The following CD38 variants were observed in gnomAD, a reference collection of about 807,000 sequenced individuals.
CD38 encodes the protein ADP-ribosyl cyclase/cyclic ADP-ribose hydrolase 1.
A neutral mutation model predicts 36.3 loss-of-function variants in CD38; 31 were observed. That is an observed-to-expected ratio of 0.85 (90% confidence interval 0.64 to 1.15). CD38 has a LOEUF of 1.15. CD38 is among the 50% of genes most tolerant of loss of function. The pLI is 0.00. For synonymous variants in CD38, 131 were observed against 135.2 expected (o/e 0.97, Z 0.22); for missense variants, 380 against 371.9 (o/e 1.02, Z -0.18).
At chr4:15,819,457 C>A (rs781531145) in intron 2 of CD38, among the ~76,000 whole-genome samples, 17 of 151,702 alleles carry the variant, frequency 1.1e-4, no homozygotes, top group Non-Finnish European at 2.5e-4. Context: ...ATTCACTGAG[C>A]TGAAGGAGTA....
intron 1 of CD38, among the ~76,000 whole-genome samples, chr4:15,815,941 G>A (rs951588757): frequency 5.3e-5 from 8 of 152,038 alleles, no homozygotes; most frequent in African/African-American, 1.4e-4. Flanking sequence ...ATGTTCCATC[G>A]ATACCTAGTT....
At chr4:15,828,438 T>C (rs768630666) in intron 3 of CD38, among the ~76,000 whole-genome samples, 8 of 152,216 alleles carry the variant, frequency 5.3e-5, no homozygotes, top group Non-Finnish European at 7.3e-5. Context: ...TTAAAAACCC[T>C]TTCTAACTGA....
At chr4:15,803,090 A>C (rs1723264222) in intron 1 of CD38, among the ~76,000 whole-genome samples, 1 of 152,214 alleles carries the variant, frequency 6.6e-6, no homozygotes, top group Admixed American at 6.5e-5. Flanking sequence ...CTGGATATTC[A>C]TATGCAGAAG....
chr4:15,837,760 A>C (rs77186437), intron 4 of CD38, among the ~76,000 whole-genome samples: 54 of 152,274 alleles, frequency 3.5e-4, no homozygotes, highest in African/African-American at 1.2e-3. Context: ...ACAGTGCATG[A>C]CACTGAGAAA....
intron 7 of CD38, among the ~76,000 whole-genome samples, chr4:15,841,115 A>G (rs1205963534): frequency 6.6e-6 from 1 of 152,220 alleles, no homozygotes; most frequent in Non-Finnish European, 1.5e-5. Flanking sequence ...ACAGATAGAT[A>G]TATATTTTTT....
At chr4:15,835,633 C>A (rs1724054036) in intron 4 of CD38, among the ~76,000 whole-genome samples, 1 of 151,886 alleles carries the variant, frequency 6.6e-6, no homozygotes, top group South Asian at 2.1e-4. Flanking sequence ...CAGCCTTGGC[C>A]TCCCAAGGTG....
chr4:15,785,945 T>C (rs1037382562), intron 1 of CD38, among the ~76,000 whole-genome samples: 2 of 152,066 alleles, frequency 1.3e-5, no homozygotes, highest in African/African-American at 4.8e-5. Context: ...GCTTCAGGAG[T>C]GAAGCTGCAG....
At chr4:15,819,483 C>T (rs1287646640) in intron 2 of CD38, among the ~76,000 whole-genome samples, 2 of 151,728 alleles carry the variant, frequency 1.3e-5, no homozygotes, top group African/African-American at 4.8e-5. Context: ...TAACCCACTG[C>T]AAAGAAGCTA....
chr4:15,833,679 C>T (rs983907009), intron 3 of CD38, among the ~76,000 whole-genome samples: 3 of 152,132 alleles, frequency 2.0e-5, no homozygotes, highest in African/African-American at 7.2e-5. Context: ...GGCAGATATC[C>T]TTGGGAGAAG....
intron 1 of CD38, among the ~76,000 whole-genome samples, chr4:15,789,775 T>C (rs921700362): frequency 5.1e-4 from 77 of 151,590 alleles, no homozygotes; most frequent in African/African-American, 1.8e-3. Flanking sequence ...GCTAGCATGC[T>C]CACCCTCCTC....
chr4:15,824,362 T>C (rs1166616742), intron 2 of CD38, among the ~76,000 whole-genome samples: 1 of 151,956 alleles, frequency 6.6e-6, no homozygotes, highest in Non-Finnish European at 1.5e-5. Flanking sequence ...TAAAACAGAA[T>C]ATAATTCTGA....
intron 1 of CD38, among the ~76,000 whole-genome samples, chr4:15,784,078 T>C (rs193294758): frequency 6.4e-4 from 98 of 152,268 alleles, no homozygotes; most frequent in Non-Finnish European, 1.3e-4. Flanking sequence ...CACCATGTGA[T>C]CTGTAATGAA....
At chr4:15,822,347 A>G (rs1442940286) in intron 2 of CD38, among the ~76,000 whole-genome samples, 4 of 152,206 alleles carry the variant, frequency 2.6e-5, no homozygotes, top group Non-Finnish European at 5.9e-5. Flanking sequence ...GACCGGGACA[A>G]TCAGGCAAGA....
At chr4:15,806,757 C>T (rs1723350609) in intron 1 of CD38, among the ~76,000 whole-genome samples, 1 of 152,116 alleles carries the variant, frequency 6.6e-6, no homozygotes, top group Non-Finnish European at 1.5e-5. Flanking sequence ...GAAAACATGC[C>T]ATTGACCTTG....
chr4:15,788,620 G>A (rs562376793), intron 1 of CD38, among the ~76,000 whole-genome samples: 4 of 152,220 alleles, frequency 2.6e-5, no homozygotes, highest in Admixed American at 1.3e-4. Context: ...CTTGTTGCAC[G>A]GGGGTAGGTG....
chr4:15,839,202 G>C (rs1724144050), intron 5 of CD38, among the ~76,000 whole-genome samples: 1 of 152,034 alleles, frequency 6.6e-6, no homozygotes, highest in African/African-American at 2.4e-5. Flanking sequence ...TAACATTTCA[G>C]AATTTTATGA....
At chr4:15,788,490 CAG>C (rs1383863950) in intron 1 of CD38, among the ~76,000 whole-genome samples, 1 of 134,340 alleles carries the variant, frequency 7.4e-6, no homozygotes, top group African/African-American at 2.7e-5. Context: ...GGTCCCCAAA[CAG>C]AGGGGAGGCA....
At chr4:15,813,476 C>T (rs144406218) in intron 1 of CD38, among the ~76,000 whole-genome samples, 1,794 of 152,078 alleles carry the variant, frequency 0.012, 32 homozygotes, top group African/African-American at 0.041. Context: ...ATGTGCAGAA[C>T]GTGCAGGTTT....
At chr4:15,783,163 C>T (rs1185634807) in intron 1 of CD38, among the ~76,000 whole-genome samples, 2 of 152,102 alleles carry the variant, frequency 1.3e-5, no homozygotes, top group Admixed American at 1.3e-4. Flanking sequence ...CTCAACAAAG[C>T]GTTTGCTGAC....
Sources: allele counts gnomAD v4.1 joint callset (sites outside exome capture counted in the v4.1 genomes callset), GRCh38; gene constraint gnomAD v4.1.1; transcripts MANE v1.5; gene names NCBI Gene and HGNC (gene_info 2026-07-23, HGNC 2026-07-21).